The following PCDH11X variants were observed in gnomAD, a reference collection of about 807,000 sequenced individuals.
The protein encoded by PCDH11X is protocadherin-11 X-linked.
Under a neutral mutation model 53.3 loss-of-function variants are expected in PCDH11X, and 18 were observed. That is an observed-to-expected ratio of 0.34 (90% CI 0.23 to 0.50). PCDH11X has a LOEUF of 0.50. PCDH11X is among the 20% of genes least tolerant of loss of function. The pLI, the probability that PCDH11X is intolerant of heterozygous loss-of-function variation, is 0.98. For missense variants in PCDH11X, 570 were observed against 1,032.4 expected, an observed-to-expected ratio of 0.55 and a Z score of 6.14; for synonymous variants, 279 against 393.3, an observed-to-expected ratio of 0.71 and a Z score of 3.44.
intron 8 of PCDH11X, among the ~76,000 whole-genome samples, chrX:92,352,013 C>T (rs1426677920): frequency 8.9e-6 from 1 of 111,796 alleles, no homozygotes; most frequent in Admixed American, 9.5e-5. Flanking sequence ...ACCATACCAT[C>T]AATTGGAGAA....
At chrX:92,415,809 T>A (rs1319470766) in intron 9 of PCDH11X, among the ~76,000 whole-genome samples, 1 of 111,230 alleles carries the variant, frequency 9.0e-6, no homozygotes, top group African/African-American at 3.3e-5. Flanking sequence ...TGAATATATG[T>A]TTTAACTACC....
At chrX:91,825,619 C>T (rs6615301) in intron 4 of PCDH11X, among the ~76,000 whole-genome samples, 1,365 of 110,360 alleles carry the variant, frequency 0.012, 22 homozygotes, top group African/African-American at 0.041. Context: ...GATGGAAATG[C>T]AGAAATCACC....
At chrX:91,952,932 A>G (rs1465680808) in intron 6 of PCDH11X, among the ~76,000 whole-genome samples, 1 of 111,115 alleles carries the variant, frequency 9.0e-6, no homozygotes, top group Non-Finnish European at 1.9e-5. Flanking sequence ...ATGTTAAGTG[A>G]AATAGCCCAG....
intron 8 of PCDH11X, among the ~76,000 whole-genome samples, chrX:92,341,646 T>C (rs1475126836): frequency 1.8e-5 from 2 of 110,788 alleles, no homozygotes; most frequent in South Asian, 3.8e-4. Context: ...CCAGATCTCA[T>C]AAGAAGCCAC....
At chrX:92,541,105 C>T (rs1281200047) in intron 10 of PCDH11X, among the ~76,000 whole-genome samples, 8 of 109,950 alleles carry the variant, frequency 7.3e-5, no homozygotes, top group Admixed American at 6.9e-4. Flanking sequence ...CCCAGCCTAG[C>T]GCTTGGAGTT....
intron 6 of PCDH11X, among the ~76,000 whole-genome samples, chrX:91,906,152 T>A (rs775321949): frequency 7.9e-4 from 88 of 111,918 alleles, no homozygotes; most frequent in Non-Finnish European, 1.4e-3. Context: ...TAGCTTACAA[T>A]TTGCTCTAGA....
At chrX:92,551,989 GTT>G (rs56334896) in intron 10 of PCDH11X, among the ~76,000 whole-genome samples, 2 of 76,173 alleles carry the variant, frequency 2.6e-5, no homozygotes, top group African/African-American at 4.8e-5. Context: ...GATTCCTCTG[GTT>G]TTTTTTTTTT....
rs1556332929 is a variant in PCDH11X, at chrX:91,907,405, A to ACACACC, written c.3033+28137_3033+28138insCCACAC. 2.2e-4 allele frequency among the ~76,000 whole-genome samples: 16 copies of ACACACC among 72,569 alleles called. No individual in the cohort carries two copies. In the East Asian group the frequency reaches 3.8e-3, roughly 17 times the overall value. The allele number at this position is 72,569 out of a possible 115,157, so 63.0% of individuals were successfully genotyped here. On this transcript the variant is annotated intron_variant, in intron 6 of 10. Coordinates refer to ENST00000682573, the MANE Select transcript of PCDH11X (RefSeq NM_032968.5). ...CACACACACACACACACACACACAC[A>ACACACC]CACACACAGAGAGAGAGAGAGAGAG...
At chrX:91,846,249 A>G (rs1937643363) in intron 5 of PCDH11X, among the ~76,000 whole-genome samples, 1 of 111,640 alleles carries the variant, frequency 9.0e-6, no homozygotes, top group African/African-American at 3.2e-5. Flanking sequence ...TCTTTTTTTC[A>G]TCTTAAGGAA....
At chrX:92,207,830 G>A (rs771225769) in intron 7 of PCDH11X, among the ~76,000 whole-genome samples, 107 of 111,684 alleles carry the variant, frequency 9.6e-4, no homozygotes, top group Non-Finnish European at 1.5e-3. Context: ...AATGTAAAGT[G>A]ATACAAGATA....
intron 5 of PCDH11X, among the ~76,000 whole-genome samples, chrX:91,838,075 C>T (rs901784497): frequency 9.0e-5 from 10 of 111,641 alleles, no homozygotes; most frequent in Non-Finnish European, 1.5e-4. Flanking sequence ...ACCATCTTGA[C>T]AAATGTGTTG....
chrX:92,229,863 A>G (rs1198873477), intron 7 of PCDH11X, among the ~76,000 whole-genome samples: 2 of 111,368 alleles, frequency 1.8e-5, no homozygotes, highest in African/African-American at 6.5e-5. Context: ...GAAATTATGT[A>G]ATTTTGGCTT....
rs186390882 is a variant in PCDH11X at position 92,020,044 on chromosome X, C to A, written c.3033+140771C>A. 4.4e-5 allele frequency among the ~76,000 whole-genome samples: 5 copies of A among 112,469 alleles called. No homozygotes were observed. In the East Asian group the frequency reaches 1.4e-3, roughly 32 times the overall value. The stretch of plus-strand genomic sequence containing the variant: ...CCCAGCCTGGGAAACCGTGCTTTTC[C>A]ACTGAACTGTGCAACCCATGAACCA... On this transcript the variant is annotated intron_variant, in intron 6 of 10. Coordinates refer to ENST00000682573, the MANE Select transcript of PCDH11X (RefSeq NM_032968.5).
intron 10 of PCDH11X, among the ~76,000 whole-genome samples, chrX:92,528,540 G>A (rs1408393544): frequency 9.0e-5 from 10 of 111,461 alleles, no homozygotes; most frequent in Non-Finnish European, 1.9e-4. Flanking sequence ...TGATCCACCT[G>A]CCTTGGCCTC....
intron 6 of PCDH11X, among the ~76,000 whole-genome samples, chrX:92,156,066 T>C (rs1253834185): frequency 9.1e-6 from 1 of 110,284 alleles, no homozygotes; most frequent in Non-Finnish European, 1.9e-5. Context: ...CTATGGTTTG[T>C]CAATTTACAC....
chrX:92,018,288 AATG>A (rs1569310600), intron 6 of PCDH11X, among the ~76,000 whole-genome samples: 1 of 112,172 alleles, frequency 8.9e-6, no homozygotes, highest in African/African-American at 3.2e-5. Context: ...TTTAAAAAAT[AATG>A]ATAATTTAAG....
At chrX:92,024,860 C>T (rs1361785408) in intron 6 of PCDH11X, among the ~76,000 whole-genome samples, 1 of 108,693 alleles carries the variant, frequency 9.2e-6, no homozygotes, top group Admixed American at 1.0e-4. Flanking sequence ...TCAGAAATAC[C>T]ACCACACATC....
In PCDH11X at chrX:92,039,327, G is replaced by A. The variant is rs192330713; in HGVS notation, c.3033+160054G>A. Among the ~76,000 whole-genome samples the A allele has an allele frequency of 1.3e-4, 15 of 112,369 alleles. No individual in the cohort carries two copies. The East Asian group carries it at 1.4e-3, about 11-fold the overall frequency. ...CAGCAAGTTTTCCAGGCCCTGTGCC[G>A]GTCCAGAGATGCTATCTGGGAGCCA... On this transcript the variant is annotated intron_variant, in intron 6 of 10. Transcript: ENST00000682573.
At chrX:92,385,992 A>G (rs2071003887) in intron 8 of PCDH11X, among the ~76,000 whole-genome samples, 1 of 111,937 alleles carries the variant, frequency 8.9e-6, no homozygotes, top group Admixed American at 9.6e-5. Context: ...AGAGGCCCAA[A>G]GGAATCCTGT....
Sources: allele counts gnomAD v4.1 joint callset (sites outside exome capture counted in the v4.1 genomes callset), GRCh38; gene constraint gnomAD v4.1.1; transcripts MANE v1.5; gene names NCBI Gene and HGNC (gene_info 2026-07-23, HGNC 2026-07-21).